Variants in DDX5 observed in about 807,000 individuals in gnomAD.
The protein encoded by DDX5 is DEAD-box helicase 5.
DDX5 carries 6 observed loss-of-function variants against 68.6 expected under a neutral mutation model. The observed-to-expected ratio is 0.09, with a 90% confidence interval of 0.05 to 0.17. The LOEUF is 0.17. DDX5 is among the 10% of genes least tolerant of loss of function. The pLI is 1.00. For synonymous variants in DDX5, 350 were observed against 247.0 expected, an observed-to-expected ratio of 1.42 and a Z score of -3.91; for missense variants, 499 against 756.1, an observed-to-expected ratio of 0.66 and a Z score of 3.99.
chr17:64,504,978 G>C, intron 1 of DDX5, 136 bp from the exon 2 acceptor site: 1 of 703,460 alleles, frequency 1.4e-6, no homozygotes, highest in South Asian at 2.5e-5. Context: ...TGTCCTTCGT[G>C]AAAATCTCTC....
At position 64,503,887 on chromosome 17, in the gene DDX5, G is replaced by T; in HGVS notation, c.442-19C>A. The T allele has an allele frequency of 6.2e-7, 1 of 1,613,992 alleles. No individual in the cohort carries two copies. The highest frequency in any genetic ancestry group is 8.5e-7 in the Non-Finnish European group (1 of 1,179,962). ...GCAAATACTATTTAGGGTGAAAGTG[G>T]GGACAAACAGAAATCACATTAAAAT... On this transcript the variant is annotated intron_variant, in intron 4 of 12. Transcript: ENST00000225792.
Position 64,503,489 on chromosome 17 carries a change from T to C in DDX5, c.590A>G (p.Lys197Arg), listed in dbSNP as rs1416100590. Residue 197 changes from lysine (K) to arginine (R), a missense_variant, in exon 6 of 13, where the codon AAG (lysine) becomes AGG (arginine). Lys to Arg is a conservative substitution (Grantham distance 26). Around this residue, in one of 5 missense-constraint regions of DDX5, gnomAD observed 141 missense variants for 279.8 expected, o/e 0.50. Transcript: ENST00000225792. ...AAEYCRACRL[K>R]STCIYGGAPK... ...AGCACCACCGTAGATACAAGTAGAC[T>C]TCAAGCGACATGCTCTACAATATTC... 6.2e-7 allele frequency: 1 copy of C among 1,614,272 alleles called. No individual in the cohort carries two copies. The highest frequency in any genetic ancestry group is 8.5e-7 in the Non-Finnish European group (1 of 1,180,046).
chr17:64,503,698 G>A, intron 5 of DDX5, 105 bp downstream of exon 5: 2 of 1,522,444 alleles, frequency 1.3e-6, no homozygotes, highest in African/African-American at 1.4e-5. Flanking sequence ...TGAATAGGGT[G>A]AGCTAACCTC....
chr17:64,504,838 C>T lies in DDX5; in HGVS notation c.49G>A (p.Gly17Ser), dbSNP rs782026018. 2.5e-6 allele frequency: 4 copies of T among 1,596,108 alleles called. No individual in the cohort carries two copies. The highest frequency in any genetic ancestry group is 3.4e-6 in the Non-Finnish European group (4 of 1,175,200). ...DRDRGRDRGF[G>S]APRFGGSRAG... ...CTACTTCCTCCAAATCGAGGTGCACCAAACCTGGAATGAAAAAAAACGTTA... is the reference window on the plus strand; with the variant it reads ...CTACTTCCTCCAAATCGAGGTGCACTAAACCTGGAATGAAAAAAAACGTTA... Residue 17 changes from glycine (G) to serine (S), a missense_variant, in exon 2 of 13, where the codon GGT becomes AGT. Physicochemically the swap from Gly to Ser is moderately conservative, Grantham distance 56. Coordinates refer to ENST00000225792, the MANE Select transcript of DDX5 (RefSeq NM_004396.5).
At position 64,506,285 on chromosome 17, in the gene DDX5, G is replaced by A. The variant is rs2038517876; in HGVS notation, c.-166C>T. The A allele has an allele frequency of 1.7e-5, 26 of 1,529,274 alleles. No homozygotes were observed. The highest frequency in any genetic ancestry group is 2.1e-5 in the Non-Finnish European group (24 of 1,138,408). 94.7% of individuals were successfully genotyped at this position (1,529,274 alleles called of 1,614,324 possible). A position where few individuals can be genotyped will look rare whatever the true frequency, so the allele number is the denominator to read the frequency against. ...CTACTAGAGACCGGTAGAAATGAATGAGGTGCCGGCCGCTTTCCGGCAGCC... is the reference window on the plus strand; with the variant it reads ...CTACTAGAGACCGGTAGAAATGAATAAGGTGCCGGCCGCTTTCCGGCAGCC... On this transcript the variant is annotated 5_prime_UTR_variant, in exon 1 of 13. Transcript: ENST00000225792.
At chr17:64,500,942 AAAAAG>A (rs1327326942) in intron 11 of DDX5, 169 bp from the exon 12 acceptor site, 1 of 606,184 alleles carries the variant, frequency 1.6e-6, no homozygotes, top group South Asian at 2.0e-5. Flanking sequence ...TTGAGGTTGA[AAAAAG>A]AAAAAAAAGC....
chr17:64,503,924 AATTACC>A, intron 4 of DDX5, 53 bp downstream of exon 4: 2 of 1,613,702 alleles, frequency 1.2e-6, no homozygotes, highest in East Asian at 2.2e-5. Context: ...CTCGTTTTTA[AATTACC>A]ATTACATTTT....
At position 64,503,141 on chromosome 17, in the gene DDX5, AG is replaced by A. The variant is rs1555671422; in HGVS notation, c.811-44del. ...GAAAAATTAGTATCAGACTCTTAAG[AG>A]TGAAAACACAATTCAGTTTGATCAC... On this transcript the variant is annotated intron_variant, in intron 7 of 12. Coordinates refer to ENST00000225792, the MANE Select transcript of DDX5 (RefSeq NM_004396.5). 3.7e-6 allele frequency: 6 copies of A among 1,612,668 alleles called. No homozygotes were observed. In the South Asian group the frequency reaches 6.6e-5, roughly 18 times the overall value.
At chr17:64,505,768 CCTCGAAGCGTCCCG>C in intron 1 of DDX5, 2 of 1,536,188 alleles carry the variant, frequency 1.3e-6, no homozygotes, top group Non-Finnish European at 1.7e-6. Context: ...CCTTCGTCTG[CCTCGAAGCGTCCCG>C]CTTTCATCCG....
intron 4 of DDX5, 54 bp from the exon 5 acceptor site, chr17:64,503,922 T>C: frequency 1.2e-6 from 2 of 1,613,746 alleles, no homozygotes; most frequent in Admixed American, 3.3e-5. Flanking sequence ...TACTCGTTTT[T>C]AAATTACCAT....
chr17:64,503,947 TATATCAG>T, intron 4 of DDX5, 29 bp downstream of exon 4: 1 of 1,614,050 alleles, frequency 6.2e-7, no homozygotes. Flanking sequence ...TTTTCTTGCA[TATATCAG>T]ATCAACTCAA....
chr17:64,505,416 G>A (rs782815839), intron 1 of DDX5: 23 of 537,238 alleles, frequency 4.3e-5, no homozygotes, highest in Admixed American at 3.6e-4. Flanking sequence ...CAGGAAAAAA[G>A]AAAAGGAGGA....
intron 1 of DDX5, 56 bp downstream of exon 1, chr17:64,506,020 A>AGTCC: frequency 2.3e-6 from 2 of 868,000 alleles, no homozygotes; most frequent in Non-Finnish European, 3.4e-6. Flanking sequence ...CGCCACCCTG[A>AGTCC]CCCGCCCTCC....
intron 1 of DDX5, 55 bp from the exon 2 acceptor site, chr17:64,504,897 G>GTAT: frequency 2.6e-6 from 4 of 1,530,664 alleles, no homozygotes; most frequent in Non-Finnish European, 3.5e-6. Flanking sequence ...CCAGGTTTCT[G>GTAT]TATAGATTTG....
chr17:64,499,544 A>T lies in DDX5; in HGVS notation c.*379T>A, dbSNP rs1438420047. On this transcript the variant is annotated 3_prime_UTR_variant, in exon 13 of 13. Coordinates refer to ENST00000225792, the MANE Select transcript of DDX5 (RefSeq NM_004396.5). ...TCATGGAAAAAAAAAACCAAACAAA[A>T]ACAAAAAAAAAACCAGACCATCTTA... The T allele has an allele frequency of 1.3e-5, 3 of 232,668 alleles. No individual in the cohort carries two copies. Among genetic ancestry groups the T allele is most frequent in the Non-Finnish European group, 1.7e-5 (2 of 118,682 alleles). The allele number at this position is 232,668 out of a possible 1,614,324, so 14.4% of individuals were successfully genotyped here. A position where few individuals can be genotyped will look rare whatever the true frequency, so the allele number is the denominator to read the frequency against.
At position 64,500,040 on chromosome 17, in the gene DDX5, T is replaced by C. The variant is rs2144246681; in HGVS notation, c.1728A>G (p.Gln576=). 4 of 1,614,256 alleles carry C rather than the reference T, an allele frequency of 2.5e-6. No homozygotes were observed. Among genetic ancestry groups the C allele is most frequent in the African/African-American group, 1.3e-5 (1 of 75,078 alleles). The change falls in exon 13 of 13, where the codon CAA becomes CAG. Residue 576 remains glutamine, a synonymous_variant. Transcript: ENST00000225792. ...TYQNGYDSTQ[Q]YGSNVPNMHN... is the part of the protein sequence containing the mutation. ...GCATATTTGGAACATTACTTCCGTA[T>C]TGCTGAGTGCTATCATAACCATTCT... is the stretch of plus-strand genomic sequence containing the variant.
At chr17:64,502,869 C>A in intron 8 of DDX5, 57 bp downstream of exon 8, 1 of 1,484,922 alleles carries the variant, frequency 6.7e-7, no homozygotes, top group East Asian at 2.3e-5. Flanking sequence ...ACAATGATCC[C>A]TCAATTTTAC....
At position 64,498,570 on chromosome 17, in the gene DDX5, G is replaced by A. The variant is rs1212634235; in HGVS notation, c.*1353C>T. Among the ~76,000 whole-genome samples the A allele has an allele frequency of 6.6e-6, 1 of 152,172 alleles. No homozygotes were observed. Among genetic ancestry groups the A allele is most frequent in the African/African-American group, 2.4e-5 (1 of 41,444 alleles). On this transcript the variant is annotated 3_prime_UTR_variant, in exon 13 of 13. Coordinates refer to ENST00000225792, the MANE Select transcript of DDX5 (RefSeq NM_004396.5). ...ATTAGTTTTCAATGTCTAAGTCCTA[G>A]AAATATCACTCCCTATCCCAGCCCT...
chr17:64,504,307 T>G lies in DDX5; in HGVS notation c.222A>C (p.Glu74Asp), dbSNP rs142239131. Reference sequence around the variant, plus strand: ...TAATTTCCTTGCTTCTTCTGTATGTTTCCACCTCTTGCTGCAAAACAAATT... The same window carrying G: ...TAATTTCCTTGCTTCTTCTGTATGTGTCCACCTCTTGCTGCAAAACAAATT... ...DLARRTAQEV[E>D]TYRRSKEITV... The change falls in exon 3 of 13, where the codon GAA (glutamate) becomes GAC (aspartate). Residue 74 changes from glutamate to aspartate, a missense_variant. By Grantham distance (45) the Glu-to-Asp change is conservative. Around this residue, in one of 5 missense-constraint regions of DDX5, gnomAD observed 140 missense variants for 135.7 expected, o/e 1.03. Transcript: ENST00000225792. The G allele has an allele frequency of 1.2e-5, 19 of 1,613,810 alleles. No homozygotes were observed. Among genetic ancestry groups the G allele is most frequent in the Non-Finnish European group, 1.4e-5 (17 of 1,179,924 alleles).
Sources: gnomAD v4.1 joint callset for allele counts (sites outside exome capture counted in the v4.1 genomes callset) on GRCh38, gnomAD v4.1.1 for gene constraint, gnomAD v4.1.1 regional missense constraint, MANE v1.5 for transcripts, NCBI Gene and HGNC (gene_info 2026-07-23, HGNC 2026-07-21) for gene names.